The following RNLS variants were observed in gnomAD, a reference collection of about 807,000 sequenced individuals.
RNLS encodes renalase.
In RNLS, 39 loss-of-function variants were observed where a neutral mutation model predicts 39.8. That is an observed-to-expected ratio of 0.98 (90% CI 0.76 to 1.28). RNLS has a LOEUF of 1.28. Ranked by LOEUF, RNLS falls within the 50% of genes most tolerant of loss-of-function variation. RNLS has a pLI of 0.00. For missense variants in RNLS, 410 were observed against 413.3 expected, an observed-to-expected ratio of 0.99 and a Z score of 0.07; for synonymous variants, 147 against 150.7, an observed-to-expected ratio of 0.98 and a Z score of 0.18.
chr10:88,365,438 T>C (rs1849992383), intron 4 of RNLS, among the ~76,000 whole-genome samples: 1 of 151,642 alleles, frequency 6.6e-6, no homozygotes, highest in African/African-American at 2.4e-5. Flanking sequence ...AAGGCTTATA[T>C]AAAAAGGCCC....
At chr10:88,346,239 A>C (rs1848293491) in intron 5 of RNLS, among the ~76,000 whole-genome samples, 2 of 152,146 alleles carry the variant, frequency 1.3e-5, no homozygotes, top group African/African-American at 2.4e-5. Flanking sequence ...CAAAGAGAAC[A>C]GTGGGATTCT....
At chr10:88,466,185 G>A (rs990642936) in intron 4 of RNLS, among the ~76,000 whole-genome samples, 1 of 152,012 alleles carries the variant, frequency 6.6e-6, no homozygotes, top group African/African-American at 2.4e-5. Context: ...CCCATTAGAA[G>A]GACAAGCTAA....
chr10:88,334,904 A>G (rs1244937779), intron 5 of RNLS, among the ~76,000 whole-genome samples: 1 of 152,200 alleles, frequency 6.6e-6, no homozygotes, highest in Non-Finnish European at 1.5e-5. Context: ...CTTGTCCCAG[A>G]AGGAAAAAAC....
chr10:88,278,302 G>T (rs1314270639), intron 6 of RNLS, among the ~76,000 whole-genome samples: 1 of 151,880 alleles, frequency 6.6e-6, no homozygotes, highest in East Asian at 1.9e-4. Context: ...AAATAGTTTT[G>T]ATTATTTTCC....
intron 6 of RNLS, 70 bp from the exon 7 acceptor site, chr10:88,285,576 T>G: frequency 7.5e-7 from 1 of 1,330,898 alleles, no homozygotes. Context: ...AACACCCACC[T>G]GGAAAAGGTT....
chr10:88,463,823 T>C (rs1199835243), intron 4 of RNLS, among the ~76,000 whole-genome samples: 1 of 151,912 alleles, frequency 6.6e-6, no homozygotes, highest in African/African-American at 2.4e-5. Flanking sequence ...GTATGTGTGT[T>C]TATCTCTGTG....
chr10:88,172,839 G>GTTGTTTTTTTGTTTTT, the RNLS span, among the ~76,000 whole-genome samples: 2 of 31,504 alleles, frequency 6.3e-5, no homozygotes, highest in Non-Finnish European at 1.3e-4. Context: ...TGCATTTTGA[G>GTTGTTTTTTTGTTTTT]TTGTTTTTTT....
At chr10:88,260,235 T>G in the RNLS span, among the ~76,000 whole-genome samples, 1 of 152,212 alleles carries the variant, frequency 6.6e-6, no homozygotes, top group Non-Finnish European at 1.5e-5. Context: ...AGCTGGTTTC[T>G]CTGAGTCCTG....
chr10:88,261,317 C>T, the RNLS span, among the ~76,000 whole-genome samples: 1 of 152,176 alleles, frequency 6.6e-6, no homozygotes, highest in Admixed American at 6.5e-5. Flanking sequence ...ACCCTCTGCC[C>T]CCCACCACAC....
intron 6 of RNLS, among the ~76,000 whole-genome samples, chr10:88,304,591 C>T (rs372669668): frequency 2.6e-5 from 4 of 152,170 alleles, no homozygotes; most frequent in Non-Finnish European, 4.4e-5. Flanking sequence ...GAAAGAATCT[C>T]GGCGCTTAAA....
In RNLS at chr10:88,562,273, TG is replaced by T. The variant is rs139311220; in HGVS notation, c.526+10629del. On this transcript the variant is annotated intron_variant, in intron 4 of 6. Transcript: ENST00000331772. ...CATAGCATTTAATAGAGAAAAAAAC[TG>T]GAAACCACATGAAAGTCCATAGATA... Among the ~76,000 whole-genome samples the T allele has an allele frequency of 7.1e-3, 1,078 of 152,204 alleles. 14 individuals are homozygous for T. Among genetic ancestry groups the T allele is most frequent in the African/African-American group, 0.025 (1,037 of 41,530 alleles).
intron 4 of RNLS, among the ~76,000 whole-genome samples, chr10:88,533,011 G>A (rs973446491): frequency 1.3e-5 from 2 of 151,980 alleles, no homozygotes; most frequent in African/African-American, 4.8e-5. Flanking sequence ...TCATGTTATT[G>A]AATTATTCTG....
chr10:88,322,080 C>T (rs1364152333), intron 5 of RNLS, among the ~76,000 whole-genome samples: 1 of 152,122 alleles, frequency 6.6e-6, no homozygotes, highest in East Asian at 1.9e-4. Flanking sequence ...TCTAGCTGCA[C>T]ATCAAAAAGA....
At chr10:88,468,967 T>C (rs1489908699) in intron 4 of RNLS, among the ~76,000 whole-genome samples, 3 of 152,186 alleles carry the variant, frequency 2.0e-5, no homozygotes, top group African/African-American at 7.2e-5. Context: ...ATGGCATATA[T>C]ACAGTTCTAA....
chr10:88,383,565 A>G (rs1327873763), intron 4 of RNLS, among the ~76,000 whole-genome samples: 2 of 152,162 alleles, frequency 1.3e-5, no homozygotes, highest in Non-Finnish European at 2.9e-5. Flanking sequence ...TTCAAACTAC[A>G]ATTCCAGCAG....
At chr10:88,217,458 G>C in the RNLS span, among the ~76,000 whole-genome samples, 1 of 152,104 alleles carries the variant, frequency 6.6e-6, no homozygotes, top group Non-Finnish European at 1.5e-5. Context: ...CCCAATGGTA[G>C]AAAGTGATCC....
chr10:88,263,978 C>G, the RNLS span, among the ~76,000 whole-genome samples: 1 of 152,088 alleles, frequency 6.6e-6, no homozygotes, highest in African/African-American at 2.4e-5. Context: ...CACCTCCCAC[C>G]CTTTCTCCCA....
chr10:88,554,787 C>CGG (rs1590008608), intron 4 of RNLS, among the ~76,000 whole-genome samples: 1 of 152,216 alleles, frequency 6.6e-6, no homozygotes, highest in East Asian at 1.9e-4. Flanking sequence ...AATCTTGCTC[C>CGG]TACATAATCA....
At chr10:88,350,492 T>A (rs1392065249) in intron 5 of RNLS, among the ~76,000 whole-genome samples, 1 of 152,198 alleles carries the variant, frequency 6.6e-6, no homozygotes, top group Non-Finnish European at 1.5e-5. Flanking sequence ...TTTGGTTTTT[T>A]GTCCTTGCGA....
Sources: allele counts gnomAD v4.1 joint callset (sites outside exome capture counted in the v4.1 genomes callset), GRCh38; gene constraint gnomAD v4.1.1; transcripts MANE v1.5; gene names NCBI Gene and HGNC (gene_info 2026-07-23, HGNC 2026-07-21).